FAR2: variants seen among roughly 807,000 people sequenced by gnomAD.
FAR2 encodes the protein epididymis secretory protein Li 81.
A neutral mutation model predicts 56.0 loss-of-function variants in FAR2; 19 were observed. That is an observed-to-expected ratio of 0.34 (90% CI 0.24 to 0.50). The LOEUF is 0.50. FAR2 is among the 20% of genes least tolerant of loss of function. The probability of loss-of-function intolerance (pLI) is 0.98; values close to 1 mark genes in which losing one functional copy is unlikely to be tolerated. For missense variants in FAR2, 508 were observed against 642.2 expected, an observed-to-expected ratio of 0.79 and a Z score of 2.26; for synonymous variants, 219 against 218.8, an observed-to-expected ratio of 1.00 and a Z score of -0.01.
intron 1 of FAR2, among the ~76,000 whole-genome samples, chr12:29,246,560 A>T (rs1447834976): frequency 6.6e-6 from 1 of 152,200 alleles, no homozygotes; most frequent in African/African-American, 2.4e-5. Flanking sequence ...TATTTGCCCT[A>T]TATACAAAAC....
At chr12:29,212,907 T>G (rs1365200050) in intron 1 of FAR2, among the ~76,000 whole-genome samples, 3 of 152,218 alleles carry the variant, frequency 2.0e-5, no homozygotes, top group Non-Finnish European at 4.4e-5. Flanking sequence ...TGTAAAATAC[T>G]TAGCTGAGTA....
At chr12:29,275,693 C>T (rs1948697679) in intron 2 of FAR2, among the ~76,000 whole-genome samples, 1 of 152,102 alleles carries the variant, frequency 6.6e-6, no homozygotes, top group Non-Finnish European at 1.5e-5. Flanking sequence ...GTAGACGTTT[C>T]GTGTTAGTCT....
chr12:29,199,702 T>TA (rs35727001), intron 1 of FAR2, among the ~76,000 whole-genome samples: 112,149 of 151,844 alleles, frequency 0.74, 43,468 homozygotes, highest in East Asian at 0.91. Context: ...ACATAAAAGA[T>TA]GGCAGGCAGA....
chr12:29,235,739 G>A (rs574908628), intron 1 of FAR2, among the ~76,000 whole-genome samples: 3 of 152,198 alleles, frequency 2.0e-5, no homozygotes, highest in African/African-American at 7.2e-5. Flanking sequence ...TTTATTTGAG[G>A]CTGTGCCCAG....
chr12:29,321,633 TAGAG>T (rs1268421787), intron 9 of FAR2, among the ~76,000 whole-genome samples, 158 bp from the exon 10 acceptor site: 2 of 152,118 alleles, frequency 1.3e-5, no homozygotes, highest in East Asian at 3.9e-4. Context: ...GTTGAATGAA[TAGAG>T]AGTTAATGTG....
At chr12:29,216,837 G>A (rs566852559) in intron 1 of FAR2, among the ~76,000 whole-genome samples, 5 of 152,148 alleles carry the variant, frequency 3.3e-5, no homozygotes, top group South Asian at 2.1e-4. Context: ...TTCATATCAC[G>A]TAGGAGAAAC....
intron 1 of FAR2, among the ~76,000 whole-genome samples, chr12:29,168,708 G>A (rs1038104765): frequency 5.9e-5 from 9 of 152,318 alleles, no homozygotes; most frequent in South Asian, 2.1e-4. Flanking sequence ...GAATGAAGCC[G>A]TGGACGTTCG....
intron 7 of FAR2, among the ~76,000 whole-genome samples, chr12:29,311,494 T>C (rs1949351002): frequency 6.6e-6 from 1 of 152,114 alleles, no homozygotes; most frequent in South Asian, 2.1e-4. Context: ...TTTTTTTTAA[T>C]TGAACTCTGG....
chr12:29,217,128 A>G (rs147861834), intron 1 of FAR2, among the ~76,000 whole-genome samples: 1 of 152,358 alleles, frequency 6.6e-6, no homozygotes, highest in East Asian at 1.9e-4. Context: ...GGAAAAATAG[A>G]TAAGTTATCA....
chr12:29,279,946 A>G (rs1948761534), intron 2 of FAR2, among the ~76,000 whole-genome samples: 1 of 145,906 alleles, frequency 6.9e-6, no homozygotes, highest in Non-Finnish European at 1.5e-5. Flanking sequence ...TTTTTTTGAG[A>G]TGAAGTCTAG....
chr12:29,168,649 T>C (rs1949854675), intron 1 of FAR2, among the ~76,000 whole-genome samples: 1 of 152,212 alleles, frequency 6.6e-6, no homozygotes, highest in South Asian at 2.1e-4. Flanking sequence ...CCTTCAGATG[T>C]GTCCAGAGTT....
intron 2 of FAR2, among the ~76,000 whole-genome samples, chr12:29,286,413 G>A (rs996164694): frequency 6.6e-6 from 1 of 152,136 alleles, no homozygotes; most frequent in Admixed American, 6.5e-5. Flanking sequence ...TTTCTTCCTC[G>A]ATGACAATAT....
intron 1 of FAR2, among the ~76,000 whole-genome samples, chr12:29,269,290 AT>A (rs1169169782): frequency 6.6e-6 from 1 of 152,152 alleles, no homozygotes; most frequent in African/African-American, 2.4e-5. Context: ...GAATTCAGCA[AT>A]ATTTCTCCCA....
intron 2 of FAR2, among the ~76,000 whole-genome samples, chr12:29,288,350 TA>T (rs1192047083): frequency 2.6e-5 from 4 of 152,154 alleles, no homozygotes; most frequent in Non-Finnish European, 5.9e-5. Flanking sequence ...TGCCATCAAG[TA>T]GAGAATATGA....
At chr12:29,240,031 T>C (rs1948001209) in intron 1 of FAR2, among the ~76,000 whole-genome samples, 1 of 152,208 alleles carries the variant, frequency 6.6e-6, no homozygotes, top group African/African-American at 2.4e-5. Context: ...CCCAATTTTC[T>C]AGCCTTCACA....
chr12:29,189,591 A>G (rs563772975), intron 1 of FAR2, among the ~76,000 whole-genome samples: 5 of 152,112 alleles, frequency 3.3e-5, no homozygotes, highest in Non-Finnish European at 7.4e-5. Context: ...AGGCCCTCTC[A>G]GTTAACATAG....
chr12:29,330,056 C>CTTTTT (rs10693997), intron 10 of FAR2, among the ~76,000 whole-genome samples: 23 of 127,032 alleles, frequency 1.8e-4, no homozygotes, highest in South Asian at 5.0e-4. Flanking sequence ...ACATTTATGA[C>CTTTTT]TTTTTTTTTT....
intron 1 of FAR2, among the ~76,000 whole-genome samples, chr12:29,190,260 G>A (rs956114399): frequency 1.3e-5 from 2 of 151,654 alleles, no homozygotes; most frequent in African/African-American, 4.8e-5. Flanking sequence ...TCAGCATACA[G>A]ATGGTAATTG....
intron 1 of FAR2, among the ~76,000 whole-genome samples, chr12:29,182,371 G>A (rs1217911615): frequency 1.3e-5 from 2 of 152,194 alleles, no homozygotes; most frequent in Admixed American, 6.5e-5. Flanking sequence ...GCTGACTGGT[G>A]CATTTACAAT....
Sources: gnomAD v4.1 joint callset for allele counts (sites outside exome capture counted in the v4.1 genomes callset) on GRCh38, gnomAD v4.1.1 for gene constraint, MANE v1.5 for transcripts, NCBI Gene and HGNC (gene_info 2026-07-23, HGNC 2026-07-21) for gene names.